Variants in CACNA2D3 observed in about 807,000 individuals in gnomAD.
The protein encoded by CACNA2D3 is calcium voltage-gated channel auxiliary subunit alpha2delta 3, also known as voltage-dependent calcium channel subunit alpha-2/delta-3.
In CACNA2D3, 60 loss-of-function variants were observed where a neutral mutation model predicts 160.6. The ratio of observed to expected loss-of-function variants is 0.37; its 90% CI spans 0.30 to 0.46. The LOEUF is 0.46. Among genes scored for constraint, CACNA2D3 ranks in the 20% least tolerant of loss-of-function variants. The pLI is 1.00. For missense variants in CACNA2D3, 1,205 were observed against 1,365.0 expected, an observed-to-expected ratio of 0.88 and a Z score of 1.85; for synonymous variants, 558 against 492.9, an observed-to-expected ratio of 1.13 and a Z score of -1.75.
At chr3:54,316,654 T>G (rs2107504310) in intron 2 of CACNA2D3, among the ~76,000 whole-genome samples, 1 of 152,318 alleles carries the variant, frequency 6.6e-6, no homozygotes, top group Admixed American at 6.5e-5. Context: ...AAGAGCTTTG[T>G]GCTGAGATTA....
At chr3:54,149,921 CT>C (rs1700110323) in intron 2 of CACNA2D3, among the ~76,000 whole-genome samples, 13 of 79,048 alleles carry the variant, frequency 1.6e-4, no homozygotes, top group South Asian at 5.5e-4. Flanking sequence ...CTCTCTCTCT[CT>C]CTCTCTCTCC....
intron 5 of CACNA2D3, among the ~76,000 whole-genome samples, chr3:54,519,774 T>C (rs1701616819): frequency 6.6e-6 from 1 of 152,250 alleles, no homozygotes; most frequent in Admixed American, 6.5e-5. Context: ...TGAAGGGATT[T>C]GGTTTATATT....
chr3:54,979,960 A>G (rs961118326), intron 29 of CACNA2D3, among the ~76,000 whole-genome samples: 3 of 152,200 alleles, frequency 2.0e-5, no homozygotes, highest in African/African-American at 7.2e-5. Flanking sequence ...AACAATTATA[A>G]CTATTAATAA....
intron 17 of CACNA2D3, among the ~76,000 whole-genome samples, chr3:54,867,528 T>A (rs1177677227): frequency 1.2e-4 from 17 of 137,926 alleles, no homozygotes; most frequent in East Asian, 4.2e-4. Context: ...AAGCCAGCTT[T>A]AAAAAAAAAA....
At chr3:54,837,360 C>A in intron 15 of CACNA2D3, 130 bp downstream of exon 15, 1 of 769,204 alleles carries the variant, frequency 1.3e-6, no homozygotes, top group Non-Finnish European at 2.2e-6. Flanking sequence ...ATTGTTTGAT[C>A]TTGCTGTTAG....
intron 4 of CACNA2D3, among the ~76,000 whole-genome samples, chr3:54,429,009 A>G (rs898799545): frequency 2.6e-5 from 4 of 152,212 alleles, no homozygotes; most frequent in African/African-American, 7.2e-5. Context: ...GTCAGCCCTT[A>G]TGGCTTAAAG....
At chr3:54,853,364 A>G (rs1472788659) in intron 17 of CACNA2D3, among the ~76,000 whole-genome samples, 3 of 152,216 alleles carry the variant, frequency 2.0e-5, no homozygotes, top group Non-Finnish European at 4.4e-5. Flanking sequence ...AGTGATGCTG[A>G]TGGTTGGATA....
chr3:54,313,477 C>A (rs546259922), intron 2 of CACNA2D3, among the ~76,000 whole-genome samples: 1 of 152,080 alleles, frequency 6.6e-6, no homozygotes, highest in Non-Finnish European at 1.5e-5. Context: ...CCTGGTGGCT[C>A]CAGTTGTTGC....
intron 25 of CACNA2D3, among the ~76,000 whole-genome samples, chr3:54,894,401 G>T (rs961232984): frequency 1.7e-4 from 26 of 152,102 alleles, no homozygotes; most frequent in African/African-American, 5.8e-4. Context: ...CGGGCAGCAG[G>T]GCACTGGACA....
At chr3:54,660,856 T>C (rs112748556) in intron 11 of CACNA2D3, among the ~76,000 whole-genome samples, 49 of 152,296 alleles carry the variant, frequency 3.2e-4, no homozygotes, top group African/African-American at 1.1e-3. Context: ...GTTCATTGTT[T>C]GCTCATTCCT....
chr3:54,705,303 T>C (rs981228425), intron 11 of CACNA2D3, among the ~76,000 whole-genome samples: 19 of 152,318 alleles, frequency 1.2e-4, no homozygotes, highest in Middle Eastern at 3.4e-3. Flanking sequence ...TGCCAAATTA[T>C]ATTGTTTGTG....
At chr3:54,770,962 A>G (rs1702309875) in intron 13 of CACNA2D3, among the ~76,000 whole-genome samples, 1 of 152,188 alleles carries the variant, frequency 6.6e-6, no homozygotes, top group South Asian at 2.1e-4. Flanking sequence ...AGGGAGAAAA[A>G]AAACATCTTC....
intron 9 of CACNA2D3, among the ~76,000 whole-genome samples, chr3:54,625,397 T>C (rs1413888781): frequency 1.3e-5 from 2 of 152,216 alleles, no homozygotes; most frequent in African/African-American, 4.8e-5. Context: ...GCCAGGCAAC[T>C]AGGTGGTGTG....
intron 26 of CACNA2D3, 76 bp from the exon 27 acceptor site, chr3:54,899,712 G>A: frequency 1.8e-6 from 2 of 1,100,110 alleles, no homozygotes; most frequent in Non-Finnish European, 2.7e-6. Flanking sequence ...GGTGACTGTA[G>A]ACCGATATGA....
chr3:54,921,665 C>T (rs943157706), intron 27 of CACNA2D3, among the ~76,000 whole-genome samples: 4 of 151,996 alleles, frequency 2.6e-5, no homozygotes, highest in East Asian at 1.9e-4. Flanking sequence ...CCGTGTAATC[C>T]GCCATGCATT....
intron 2 of CACNA2D3, among the ~76,000 whole-genome samples, chr3:54,299,709 G>T (rs181830252): frequency 6.6e-6 from 1 of 152,282 alleles, no homozygotes; most frequent in Non-Finnish European, 1.5e-5. Context: ...TTCAGTAAAG[G>T]ATTAGTGACA....
intron 35 of CACNA2D3, among the ~76,000 whole-genome samples, chr3:55,036,303 C>T (rs554588372): frequency 6.3e-4 from 96 of 151,890 alleles, no homozygotes; most frequent in South Asian, 5.6e-3. Flanking sequence ...CAGAATTAGC[C>T]GGGCATGATG....
intron 35 of CACNA2D3, among the ~76,000 whole-genome samples, chr3:55,068,865 C>T (rs1704731178): frequency 6.6e-6 from 1 of 152,170 alleles, no homozygotes; most frequent in South Asian, 2.1e-4. Context: ...GTTTACTTTA[C>T]TGAGAAGTAA....
chr3:54,350,968 GTTTTTTTTTTTTTGTTTGTTTTTTTTT>G (rs1429032354), intron 3 of CACNA2D3, among the ~76,000 whole-genome samples: 1 of 56,106 alleles, frequency 1.8e-5, no homozygotes, highest in African/African-American at 6.4e-5. Flanking sequence ...TCTTGAGTCT[GTTTTTTTTTTTTTGTTTGTTTTTTTTT>G]TTTTTTTTTT....
Sources: gnomAD v4.1 joint callset for allele counts (sites outside exome capture counted in the v4.1 genomes callset) on GRCh38, gnomAD v4.1.1 for gene constraint, MANE v1.5 for transcripts, NCBI Gene and HGNC (gene_info 2026-07-23, HGNC 2026-07-21) for gene names.